Variants in CLYBL observed in about 807,000 individuals in gnomAD.
CLYBL encodes the protein citramalyl-CoA lyase, mitochondrial.
Under a neutral mutation model 38.9 loss-of-function variants are expected in CLYBL, and 31 were observed. That is an observed-to-expected ratio of 0.80 (90% CI 0.60 to 1.08). The LOEUF is 1.08. Ranked by LOEUF, CLYBL falls within the 50% of genes least tolerant of loss-of-function variation. The pLI is 0.00. For synonymous variants in CLYBL, 171 were observed against 158.6 expected (o/e 1.08, Z -0.59); for missense variants, 434 against 411.6 (o/e 1.05, Z -0.47).
intron 1 of CLYBL, among the ~76,000 whole-genome samples, chr13:99,707,021 A>C (rs2048157173): frequency 6.6e-6 from 1 of 151,892 alleles, no homozygotes; most frequent in African/African-American, 2.4e-5. Context: ...CCAGGCTTGA[A>C]ATTTGATTTT....
At chr13:99,670,783 C>T (rs2047554567) in intron 1 of CLYBL, among the ~76,000 whole-genome samples, 2 of 152,182 alleles carry the variant, frequency 1.3e-5, no homozygotes, top group Admixed American at 6.5e-5. Flanking sequence ...GAGGTCTCTG[C>T]TCATTGGGAA....
chr13:99,793,770 T>A (rs1050236309), intron 2 of CLYBL, among the ~76,000 whole-genome samples: 2 of 152,046 alleles, frequency 1.3e-5, no homozygotes, highest in Admixed American at 6.5e-5. Flanking sequence ...TTCCTGCAAT[T>A]CCTAGGAATC....
At chr13:99,875,589 G>A (rs1169722695) in intron 7 of CLYBL, among the ~76,000 whole-genome samples, 1 of 152,132 alleles carries the variant, frequency 6.6e-6, no homozygotes, top group African/African-American at 2.4e-5. Context: ...CAAAAATATT[G>A]TTTCCGCTTA....
At chr13:99,745,966 T>C (rs2048843194) in intron 1 of CLYBL, among the ~76,000 whole-genome samples, 1 of 152,092 alleles carries the variant, frequency 6.6e-6, no homozygotes, top group South Asian at 2.1e-4. Flanking sequence ...AAAGGAATTT[T>C]TGAGAGAATC....
intron 7 of CLYBL, among the ~76,000 whole-genome samples, chr13:99,872,468 T>C (rs1594237129): frequency 6.6e-6 from 1 of 152,206 alleles, no homozygotes; most frequent in Non-Finnish European, 1.5e-5. Flanking sequence ...CCACGGACTC[T>C]CATTCACATG....
rs1299356572 is a variant in CLYBL at position 99,773,155 on chromosome 13, A to G, written c.249+145A>G. The G allele has an allele frequency of 5.8e-6, 4 of 695,294 alleles. No homozygotes were observed. In the African/African-American group the frequency reaches 7.3e-5, roughly 13 times the overall value. 43.1% of individuals were successfully genotyped at this position (695,294 alleles called of 1,614,324 possible). A position where few individuals can be genotyped will look rare whatever the true frequency, so the allele number is the denominator to read the frequency against. On this transcript the variant is annotated intron_variant, in intron 2 of 8. Coordinates refer to ENST00000339105, the MANE Select transcript of CLYBL (RefSeq NM_206808.5). ...ACAATTCTTTGATCTGCTTTTATAT[A>G]GGTTCTAAATGTGTATCTCTTTTCT...
At chr13:99,806,788 T>C (rs1008019318) in intron 2 of CLYBL, among the ~76,000 whole-genome samples, 9 of 152,222 alleles carry the variant, frequency 5.9e-5, no homozygotes, top group African/African-American at 1.9e-4. Flanking sequence ...AATCTTCTGT[T>C]GTATTACCTC....
At chr13:99,665,498 A>T (rs961614258) in intron 1 of CLYBL, among the ~76,000 whole-genome samples, 1 of 152,098 alleles carries the variant, frequency 6.6e-6, no homozygotes, top group East Asian at 1.9e-4. Flanking sequence ...GCAAGATCCA[A>T]AATCTTATGA....
At chr13:99,777,281 T>C (rs2049538145) in intron 2 of CLYBL, among the ~76,000 whole-genome samples, 1 of 152,162 alleles carries the variant, frequency 6.6e-6, no homozygotes, top group Non-Finnish European at 1.5e-5. Context: ...TTTCATCAAA[T>C]GCCTTTTCAA....
intron 1 of CLYBL, among the ~76,000 whole-genome samples, chr13:99,667,432 GCTTTT>G (rs1566603942): frequency 1.2e-5 from 1 of 83,260 alleles, no homozygotes; most frequent in Admixed American, 1.6e-4. Context: ...AAAGAATCTT[GCTTTT>G]TTTTTTTTTT....
chr13:99,890,758 G>A (rs2052469184), intron 7 of CLYBL, among the ~76,000 whole-genome samples: 1 of 152,154 alleles, frequency 6.6e-6, no homozygotes. Context: ...GTGAGCCACT[G>A]CGCCTGGCCG....
chr13:99,891,469 A>G, intron 8 of CLYBL, 32 bp downstream of exon 8: 1 of 1,271,846 alleles, frequency 7.9e-7, no homozygotes, highest in South Asian at 1.2e-5. Context: ...GGGTTCTTAA[A>G]GACAAACCAC....
At chr13:99,647,214 A>G (rs2047189757) in intron 1 of CLYBL, among the ~76,000 whole-genome samples, 1 of 152,232 alleles carries the variant, frequency 6.6e-6, no homozygotes, top group Non-Finnish European at 1.5e-5. Context: ...CAAAACAAAC[A>G]AAAAACTACT....
At chr13:99,864,966 T>A in intron 5 of CLYBL, 55 bp downstream of exon 5, 1 of 1,257,716 alleles carries the variant, frequency 8.0e-7, no homozygotes, top group Non-Finnish European at 1.2e-6. Context: ...TATATGTGTG[T>A]ATATATTTTT....
At chr13:99,754,416 CAAAAAAAAA>C (rs1172376194) in intron 1 of CLYBL, among the ~76,000 whole-genome samples, 1 of 71,882 alleles carries the variant, frequency 1.4e-5, no homozygotes, top group African/African-American at 5.7e-5. Context: ...GACCCTGTCT[CAAAAAAAAA>C]AAAAAAAAAA....
At chr13:99,901,911 T>C (rs9557330), downstream of CLYBL, among the ~76,000 whole-genome samples, 48,510 of 152,002 alleles carry the variant, frequency 0.32, 8,371 homozygotes, top group South Asian at 0.49. Context: ...CCACCCACCT[T>C]GGCCTCCCAA....
chr13:99,660,851 G>A (rs2047398720), intron 1 of CLYBL, among the ~76,000 whole-genome samples: 2 of 151,608 alleles, frequency 1.3e-5, no homozygotes, highest in South Asian at 4.1e-4. Flanking sequence ...GTGTGTTGCA[G>A]TGTGTTGAAA....
chr13:99,824,257 G>GCCCCACCCCCCCCCCCCC (rs2050646935), intron 2 of CLYBL, among the ~76,000 whole-genome samples: 1 of 130,414 alleles, frequency 7.7e-6, no homozygotes, highest in Non-Finnish European at 1.6e-5. Flanking sequence ...CTGACTAATA[G>GCCCCACCCCCCCCCCCCC]CCCCCCCCAC....
intron 1 of CLYBL, among the ~76,000 whole-genome samples, chr13:99,737,232 G>T (rs1406712108): frequency 1.3e-5 from 2 of 149,186 alleles, no homozygotes; most frequent in Non-Finnish European, 3.0e-5. Context: ...TCCTAGATGT[G>T]GCAAAATGCC....
Sources: allele counts gnomAD v4.1 joint callset (sites outside exome capture counted in the v4.1 genomes callset), GRCh38; gene constraint gnomAD v4.1.1; transcripts MANE v1.5; gene names NCBI Gene and HGNC (gene_info 2026-07-23, HGNC 2026-07-21).